Variants in WDR64 observed in about 807,000 individuals in gnomAD.
The protein encoded by WDR64 is WD repeat domain 64.
In WDR64, 112 loss-of-function variants were observed where a neutral mutation model predicts 139.3. The observed-to-expected ratio is 0.80, with a 90% CI of 0.69 to 0.94. The LOEUF (loss-of-function observed/expected upper bound fraction) is 0.94, where lower values mean the gene tolerates loss of function less well. Ranked by LOEUF, WDR64 falls within the 40% of genes least tolerant of loss-of-function variation. The pLI is 0.00. For missense variants in WDR64, 1,206 were observed against 1,293.1 expected, an observed-to-expected ratio of 0.93 and a Z score of 1.03; for synonymous variants, 444 against 437.7, an observed-to-expected ratio of 1.01 and a Z score of -0.18.
chr1:241,713,165 A>C (rs920121039), intron 9 of WDR64, among the ~76,000 whole-genome samples: 1 of 151,918 alleles, frequency 6.6e-6, no homozygotes, highest in African/African-American at 2.4e-5. Flanking sequence ...ATTAAAAATT[A>C]GCTGAGCATT....
At chr1:241,748,059 G>C (rs1049425649) in intron 13 of WDR64, among the ~76,000 whole-genome samples, 1 of 152,172 alleles carries the variant, frequency 6.6e-6, no homozygotes, top group Non-Finnish European at 1.5e-5. Flanking sequence ...CAGATGTTGG[G>C]GAGAGGAACA....
At chr1:241,718,820 C>G (rs1668497629) in intron 9 of WDR64, among the ~76,000 whole-genome samples, 1 of 152,058 alleles carries the variant, frequency 6.6e-6, no homozygotes, top group Non-Finnish European at 1.5e-5. Flanking sequence ...TCCATGTTCT[C>G]AAATGGCAGG....
chr1:241,795,925 G>A (rs1659349946), intron 26 of WDR64, among the ~76,000 whole-genome samples: 2 of 152,094 alleles, frequency 1.3e-5, no homozygotes. Context: ...TGATGCTAAA[G>A]GGTGAACTAT....
chr1:241,779,845 T>C (rs1437452557), intron 21 of WDR64, among the ~76,000 whole-genome samples, 159 bp from the exon 22 acceptor site: 1 of 151,966 alleles, frequency 6.6e-6, no homozygotes, highest in Non-Finnish European at 1.5e-5. Flanking sequence ...AATAAATAAA[T>C]AAATAAAAAT....
In WDR64 at chr1:241,683,512, T is replaced by C; in HGVS notation, c.650T>C (p.Met217Thr). 6.4e-7 allele frequency: 1 copy of C among 1,551,768 alleles called. No individual in the cohort carries two copies. The highest frequency in any genetic ancestry group is 1.4e-5 in the African/African-American group (1 of 73,166). The change falls in exon 7 of 28, where the codon ATG becomes ACG. Residue 217 changes from methionine (M) to threonine (T), a missense_variant. Met to Thr is a moderately conservative substitution (Grantham distance 81). Transcript: ENST00000437684. ...GAAAATTATTTTGTCATAAAACCAA[T>C]GGATCACTGCCTCCTGTGTGTGTGT... ...SQENYFVIKP[M>T]DHCLLCVCVV...
At chr1:241,746,761 CT>C (rs34375079) in intron 13 of WDR64, among the ~76,000 whole-genome samples, 168 of 141,960 alleles carry the variant, frequency 1.2e-3, no homozygotes, top group Middle Eastern at 0.011. Context: ...CATTTCAGTT[CT>C]TTTTTTTTTT....
chr1:241,675,113 CTCCCTCCCTCCT>C (rs1666468455), intron 4 of WDR64, among the ~76,000 whole-genome samples: 1 of 98,306 alleles, frequency 1.0e-5, no homozygotes, highest in Non-Finnish European at 2.0e-5. Context: ...TCCTTCCTTC[CTCCCTCCCTCCT>C]TCCCTCCTTC....
At chr1:241,655,843 G>A (rs370327600) in intron 1 of WDR64, among the ~76,000 whole-genome samples, 48 of 151,766 alleles carry the variant, frequency 3.2e-4, no homozygotes, top group East Asian at 9.6e-4. Context: ...TTGCCATCTC[G>A]GGGAATTTAC....
At chr1:241,762,830 A>T (rs1657982676) in intron 15 of WDR64, among the ~76,000 whole-genome samples, 1 of 151,950 alleles carries the variant, frequency 6.6e-6, no homozygotes, top group Non-Finnish European at 1.5e-5. Context: ...GGAAACAATT[A>T]TTTTGTCATA....
intron 2 of WDR64, among the ~76,000 whole-genome samples, chr1:241,662,376 A>G (rs1173270472): frequency 3.3e-5 from 5 of 152,150 alleles, no homozygotes; most frequent in Non-Finnish European, 7.3e-5. Context: ...TTGTTGGCAG[A>G]ATTCAATGCC....
chr1:241,761,818 T>C (rs1657912882), intron 15 of WDR64, among the ~76,000 whole-genome samples: 1 of 152,230 alleles, frequency 6.6e-6, no homozygotes, highest in African/African-American at 2.4e-5. Flanking sequence ...TGCTCATCCA[T>C]GAGAAGCAAC....
chr1:241,673,194 G>GAGC (rs1666304446), intron 3 of WDR64, among the ~76,000 whole-genome samples: 1 of 139,494 alleles, frequency 7.2e-6, no homozygotes, highest in Admixed American at 7.1e-5. Flanking sequence ...TTGTGGGGTG[G>GAGC]GGGGAGGGAT....
At chr1:241,778,166 TA>T (rs1658729452) in intron 21 of WDR64, among the ~76,000 whole-genome samples, 3 of 152,152 alleles carry the variant, frequency 2.0e-5, no homozygotes, top group Admixed American at 2.0e-4. Flanking sequence ...GTCCTATAAG[TA>T]TTTTGATATC....
At chr1:241,716,005 G>A (rs981674529) in intron 9 of WDR64, among the ~76,000 whole-genome samples, 17 of 152,008 alleles carry the variant, frequency 1.1e-4, no homozygotes, top group African/African-American at 3.6e-4. Flanking sequence ...TAGTATGACC[G>A]ACAAGCAACT....
At chr1:241,780,667 G>A (rs1293305542) in intron 22 of WDR64, among the ~76,000 whole-genome samples, 3 of 152,118 alleles carry the variant, frequency 2.0e-5, no homozygotes, top group African/African-American at 7.2e-5. Flanking sequence ...ATTCCTTGCA[G>A]AGTGTCTCAG....
At chr1:241,748,545 C>T (rs533901434) in intron 13 of WDR64, among the ~76,000 whole-genome samples, 1 of 152,128 alleles carries the variant, frequency 6.6e-6, no homozygotes, top group African/African-American at 2.4e-5. Flanking sequence ...TATAAAGGCA[C>T]TAATCCCATT....
intron 25 of WDR64, among the ~76,000 whole-genome samples, chr1:241,793,096 A>G (rs1003186966): frequency 3.3e-5 from 5 of 152,278 alleles, no homozygotes; most frequent in Admixed American, 2.6e-4. Context: ...GATGGTTTGA[A>G]GCAACTATTG....
chr1:241,723,086 A>G (rs770762134), intron 9 of WDR64, among the ~76,000 whole-genome samples: 48 of 152,344 alleles, frequency 3.2e-4, no homozygotes, highest in African/African-American at 8.7e-4. Context: ...GTGTATGTAA[A>G]TACAGTCTTT....
intron 27 of WDR64, among the ~76,000 whole-genome samples, chr1:241,799,932 T>C (rs951863399): frequency 1.3e-5 from 2 of 152,176 alleles, no homozygotes; most frequent in East Asian, 3.9e-4. Flanking sequence ...TAGCTTAATT[T>C]TTCCCCTAAA....
Sources: allele counts gnomAD v4.1 joint callset (sites outside exome capture counted in the v4.1 genomes callset), GRCh38; gene constraint gnomAD v4.1.1; transcripts MANE v1.5; gene names NCBI Gene and HGNC (gene_info 2026-07-23, HGNC 2026-07-21).